The following TLE3 variants were observed in gnomAD, a reference collection of about 807,000 sequenced individuals.
TLE3 encodes transducin-like enhancer protein 3.
A neutral mutation model predicts 93.0 loss-of-function variants in TLE3; 14 were observed. The observed-to-expected ratio is 0.15, with a 90% CI of 0.10 to 0.24. The LOEUF (loss-of-function observed/expected upper bound fraction) is 0.24, where lower values mean the gene tolerates loss of function less well. Among genes scored for constraint, TLE3 ranks in the 10% least tolerant of loss-of-function variants. TLE3 has a pLI of 1.00. For synonymous variants in TLE3, 451 were observed against 425.0 expected, an observed-to-expected ratio of 1.06 and a Z score of -0.75; for missense variants, 693 against 1,046.6, an observed-to-expected ratio of 0.66 and a Z score of 4.66.
At position 70,050,156 on chromosome 15, in the gene TLE3, T is replaced by G. The variant is rs1229587457; in HGVS notation, c.2251A>C (p.Lys751Gln). Residue 751 changes from lysine (K) to glutamine (Q), a missense_variant, in exon 20 of 20, where the codon AAA becomes CAA. This residue lies in a region of TLE3 where 153 missense variants were observed against 379.9 expected (regional missense o/e 0.40). Transcript: ENST00000451782. ...TCACCAGAGCCTGTTACAATGTATT[T>G]GTCATCCGCTGAAATGTCACAACTC... ...VLSCDISADD[K>Q]YIVTGSGDKK... 3 of 1,614,176 alleles carry G rather than the reference T, an allele frequency of 1.9e-6. No individual in the cohort carries two copies. Among genetic ancestry groups the G allele is most frequent in the Non-Finnish European group, 2.5e-6 (3 of 1,179,974 alleles).
intron 4 of TLE3, among the ~76,000 whole-genome samples, chr15:70,089,729 C>T (rs938355987): frequency 1.2e-4 from 19 of 152,210 alleles, no homozygotes; most frequent in Admixed American, 3.3e-4. Flanking sequence ...GTCTTTGTCA[C>T]GTTTTTGCCC....
At chr15:70,088,869 C>A (rs1443898205) in intron 4 of TLE3, among the ~76,000 whole-genome samples, 27 of 152,158 alleles carry the variant, frequency 1.8e-4, no homozygotes, top group East Asian at 1.9e-4. Flanking sequence ...CGGCCCAGAG[C>A]GGGCCCCCGC....
intron 13 of TLE3, 96 bp from the exon 14 acceptor site, chr15:70,056,470 G>T: frequency 1.8e-6 from 2 of 1,108,638 alleles, no homozygotes; most frequent in Non-Finnish European, 2.7e-6. Context: ...TACCTGCACG[G>T]CTCTGCCACT....
Position 70,096,908 on chromosome 15 carries a change from G to C in TLE3, c.-110C>G, listed in dbSNP as rs754844341. The C allele has an allele frequency of 8.1e-7, 1 of 1,241,622 alleles. No individual in the cohort carries two copies. Among genetic ancestry groups the C allele is most frequent in the African/African-American group, 1.5e-5 (1 of 65,372 alleles). 76.9% of individuals were successfully genotyped at this position (1,241,622 alleles called of 1,614,324 possible). ...GAGCGGGGGGCGGCCGGGAAACCGA[G>C]AGCTCGCCCCCGGCCCCCCCAGCTC... On this transcript the variant is annotated 5_prime_UTR_variant, in exon 1 of 20. Transcript: ENST00000451782.
intron 4 of TLE3, among the ~76,000 whole-genome samples, chr15:70,077,115 G>T (rs183440712): frequency 1.6e-4 from 24 of 152,316 alleles, no homozygotes; most frequent in African/African-American, 5.8e-4. Context: ...GTCAATCTTA[G>T]AAAGGTAGAT....
chr15:70,052,422 G>A lies in TLE3; in HGVS notation c.2077C>T (p.Leu693=). ...AGCACGCAGCTCTCGTGCAGGTGCA[G>A]CTGGTACTTGTCAGGCTTGGTGTGG... ...LHHTKPDKYQ[L]HLHESCVLSL... is the part of the protein sequence containing the mutation. The change falls in exon 18 of 20, where the codon CTG becomes TTG. Residue 693 remains leucine, a synonymous_variant. Coordinates refer to ENST00000451782, the MANE Select transcript of TLE3 (RefSeq NM_001105192.3). 1 of 1,614,064 alleles carries A rather than the reference G, an allele frequency of 6.2e-7. No individual in the cohort carries two copies.
At chr15:70,076,455 T>G (rs2057450892) in intron 4 of TLE3, among the ~76,000 whole-genome samples, 1 of 152,190 alleles carries the variant, frequency 6.6e-6, no homozygotes, top group Non-Finnish European at 1.5e-5. Flanking sequence ...ATGGAATCCC[T>G]AATTAAAGCA....
At chr15:70,094,989 A>C (rs1161901120) in intron 3 of TLE3, among the ~76,000 whole-genome samples, 1 of 152,226 alleles carries the variant, frequency 6.6e-6, no homozygotes, top group African/African-American at 2.4e-5. Context: ...ATGAAGATTA[A>C]AACTTGCTGG....
intron 3 of TLE3, 29 bp downstream of exon 3, chr15:70,095,549 C>T (rs564403851): frequency 6.5e-7 from 1 of 1,548,322 alleles, no homozygotes; most frequent in Non-Finnish European, 8.7e-7. Context: ...GCGCCCCAAC[C>T]GCCCCCCAGG....
intron 8 of TLE3, among the ~76,000 whole-genome samples, chr15:70,061,306 G>A (rs115585630): frequency 9.3e-4 from 142 of 152,224 alleles, no homozygotes; most frequent in African/African-American, 3.3e-3. Flanking sequence ...CTGACAGACA[G>A]GGAAAGGAGC....
intron 18 of TLE3, 38 bp downstream of exon 18, chr15:70,052,336 A>T: frequency 6.2e-7 from 1 of 1,601,226 alleles, no homozygotes; most frequent in Admixed American, 1.7e-5. Flanking sequence ...TGGGTTCCCC[A>T]CCCCACTCCA....
intron 8 of TLE3, among the ~76,000 whole-genome samples, 186 bp downstream of exon 8, chr15:70,064,268 C>T (rs1302699243): frequency 3.3e-5 from 5 of 152,202 alleles, no homozygotes; most frequent in African/African-American, 1.2e-4. Flanking sequence ...CACTGAAGCT[C>T]CCAGCTCAGC....
intron 2 of TLE3, 45 bp downstream of exon 2, chr15:70,096,116 C>A (rs1195063110): frequency 8.5e-6 from 13 of 1,532,410 alleles, no homozygotes; most frequent in Admixed American, 7.9e-5. Flanking sequence ...GCGCAGGGGA[C>A]CCACCCCTCC....
chr15:70,056,514 G>C, intron 13 of TLE3, 140 bp from the exon 14 acceptor site: 1 of 758,564 alleles, frequency 1.3e-6, no homozygotes, highest in South Asian at 1.7e-5. Context: ...GCAGAGCAGA[G>C]CCCATTGATT....
chr15:70,072,965 C>T (rs1312020628), intron 6 of TLE3, among the ~76,000 whole-genome samples: 1 of 152,192 alleles, frequency 6.6e-6, no homozygotes, highest in Non-Finnish European at 1.5e-5. Context: ...GTTCCAGTTT[C>T]AAGACTCCTC....
Position 70,058,854 on chromosome 15 carries a change from CA to C in TLE3, c.766-40del. 6.6e-7 allele frequency: 1 copy of C among 1,511,578 alleles called. No individual in the cohort carries two copies. The allele number at this position is 1,511,578 out of a possible 1,614,324, so 93.6% of individuals were successfully genotyped here. Reference sequence around the variant, plus strand: ...TGATGCAGAGATGCACTGAAAGCAACAGCCAGCCTCGAGGCTTCCCTGCTCT... The same window carrying C: ...TGATGCAGAGATGCACTGAAAGCAACGCCAGCCTCGAGGCTTCCCTGCTCT... On this transcript the variant is annotated intron_variant, in intron 10 of 19. Transcript: ENST00000451782. The surrounding 1 kb of genome is among the most constrained non-coding windows in gnomAD (Gnocchi z 4.1).
At chr15:70,086,993 CACA>C (rs1342746567) in intron 4 of TLE3, among the ~76,000 whole-genome samples, 3 of 152,200 alleles carry the variant, frequency 2.0e-5, no homozygotes, top group Non-Finnish European at 4.4e-5. Flanking sequence ...TTTCTACAAA[CACA>C]ACGTTTGCAG....
At chr15:70,053,065 G>T in intron 17 of TLE3, 162 bp downstream of exon 17, 1 of 857,812 alleles carries the variant, frequency 1.2e-6, no homozygotes, top group Non-Finnish European at 1.7e-6. Context: ...CTGTTTCACT[G>T]CTGCTTCCTC....
chr15:70,095,337 G>A (rs901072325), intron 3 of TLE3: 3 of 1,424,008 alleles, frequency 2.1e-6, no homozygotes, highest in Non-Finnish European at 2.7e-6. Flanking sequence ...AGATAGTACA[G>A]AAGTCTCCGG....
Sources: gnomAD v4.1 joint callset for allele counts (sites outside exome capture counted in the v4.1 genomes callset) on GRCh38, gnomAD v4.1.1 for gene constraint, gnomAD v4.1.1 regional missense constraint, Gnocchi (gnomAD v3.1) non-coding constraint, MANE v1.5 for transcripts, NCBI Gene and HGNC (gene_info 2026-07-23, HGNC 2026-07-21) for gene names.